The following WDR64 variants were observed in gnomAD, a reference collection of about 807,000 sequenced individuals.
WDR64 encodes the protein WD repeat-containing protein 64.
In WDR64, 112 loss-of-function variants were observed where a neutral mutation model predicts 139.3. The observed-to-expected ratio is 0.80, with a 90% CI of 0.69 to 0.94. The LOEUF (loss-of-function observed/expected upper bound fraction) is 0.94. WDR64 is among the 40% of genes least tolerant of loss of function. The probability of loss-of-function intolerance (pLI) is 0.00; values close to 1 mark genes in which losing one functional copy is unlikely to be tolerated. For synonymous variants in WDR64, 444 were observed against 437.7 expected (o/e 1.01, Z -0.18); for missense variants, 1,206 against 1,293.1 (o/e 0.93, Z 1.03).
intron 9 of WDR64, among the ~76,000 whole-genome samples, chr1:241,715,811 A>C (rs1020500793): frequency 6.6e-6 from 1 of 152,124 alleles, no homozygotes; most frequent in African/African-American, 2.4e-5. Flanking sequence ...TATTTTAATC[A>C]TTTCTGGGGG....
intron 6 of WDR64, among the ~76,000 whole-genome samples, chr1:241,683,034 T>C (rs2148108766): frequency 6.6e-6 from 1 of 152,278 alleles, no homozygotes; most frequent in African/African-American, 2.4e-5. Context: ...GCTTGACAAA[T>C]GCTAAATATT....
At chr1:241,781,849 C>T (rs1302728088) in intron 22 of WDR64, among the ~76,000 whole-genome samples, 2 of 152,198 alleles carry the variant, frequency 1.3e-5, no homozygotes, top group Non-Finnish European at 2.9e-5. Flanking sequence ...TTGTTTCAGA[C>T]ACATGTGCAA....
chr1:241,745,061 C>T (rs945413027), intron 13 of WDR64, among the ~76,000 whole-genome samples: 11 of 152,196 alleles, frequency 7.2e-5, no homozygotes, highest in African/African-American at 1.7e-4. Context: ...GTGTGCCTTA[C>T]GCTATGGAGC....
intron 10 of WDR64, among the ~76,000 whole-genome samples, chr1:241,731,344 TAA>T (rs11462817): frequency 9.6e-5 from 14 of 145,686 alleles, no homozygotes; most frequent in African/African-American, 2.8e-4. Context: ...CCTCGTCTCT[TAA>T]AAAAAAAAAA....
intron 13 of WDR64, among the ~76,000 whole-genome samples, chr1:241,745,384 G>A (rs886080007): frequency 6.6e-6 from 1 of 151,860 alleles, no homozygotes; most frequent in Non-Finnish European, 1.5e-5. Context: ...TGAGAAAGCA[G>A]TCTTAACTGT....
intron 20 of WDR64, among the ~76,000 whole-genome samples, chr1:241,773,620 A>C (rs969672726): frequency 1.3e-5 from 2 of 152,132 alleles, no homozygotes; most frequent in African/African-American, 4.8e-5. Flanking sequence ...GGCGTGTGCC[A>C]GCACACCCAG....
intron 1 of WDR64, among the ~76,000 whole-genome samples, chr1:241,655,395 C>G (rs1665547658): frequency 6.6e-6 from 1 of 151,958 alleles, no homozygotes; most frequent in Non-Finnish European, 1.5e-5. Flanking sequence ...TCCCCCCTCA[C>G]CCCCCAAAAA....
chr1:241,751,755 A>G (rs1669988978), intron 14 of WDR64, among the ~76,000 whole-genome samples: 2 of 152,222 alleles, frequency 1.3e-5, no homozygotes, highest in Admixed American at 6.5e-5. Context: ...TATTCTGGGC[A>G]TGATTTCCTA....
intron 10 of WDR64, among the ~76,000 whole-genome samples, chr1:241,725,917 G>A (rs1422543196): frequency 6.6e-6 from 1 of 151,978 alleles, no homozygotes; most frequent in East Asian, 1.9e-4. Context: ...TTGCAGCCTC[G>A]GGGCTCTCTG....
At chr1:241,777,470 TG>T (rs1658695871) in intron 21 of WDR64, among the ~76,000 whole-genome samples, 1 of 151,332 alleles carries the variant, frequency 6.6e-6, no homozygotes, top group Non-Finnish European at 1.5e-5. Context: ...CAGGTTGGAG[TG>T]CAGTGGCACA....
At chr1:241,797,854 T>TGTC (rs1558529304) in intron 27 of WDR64, among the ~76,000 whole-genome samples, 1 of 152,206 alleles carries the variant, frequency 6.6e-6, no homozygotes, top group Non-Finnish European at 1.5e-5. Flanking sequence ...TGCACGACTC[T>TGTC]GTGCATTAGG....
At chr1:241,711,599 T>A (rs1014554268) in intron 8 of WDR64, among the ~76,000 whole-genome samples, 2 of 152,144 alleles carry the variant, frequency 1.3e-5, no homozygotes, top group Non-Finnish European at 2.9e-5. Flanking sequence ...CAATACAAAG[T>A]ACTACGCGAA....
At chr1:241,742,494 G>C (rs1353584060) in intron 12 of WDR64, among the ~76,000 whole-genome samples, 1 of 152,148 alleles carries the variant, frequency 6.6e-6, no homozygotes, top group African/African-American at 2.4e-5. Context: ...GTGACCTCTG[G>C]TCATCCTCAC....
At chr1:241,748,012 C>T (rs989942953) in intron 13 of WDR64, among the ~76,000 whole-genome samples, 2 of 152,158 alleles carry the variant, frequency 1.3e-5, no homozygotes, top group Non-Finnish European at 2.9e-5. Flanking sequence ...TCACAGAGCT[C>T]GTCACATGTC....
At chr1:241,715,837 A>G (rs1198355234) in intron 9 of WDR64, among the ~76,000 whole-genome samples, 1 of 152,170 alleles carries the variant, frequency 6.6e-6, no homozygotes, top group Non-Finnish European at 1.5e-5. Context: ...TGTGTTTGGT[A>G]AAGTTTTAGG....
At chr1:241,736,738 T>A (rs149846114) in intron 10 of WDR64, among the ~76,000 whole-genome samples, 1 of 152,240 alleles carries the variant, frequency 6.6e-6, no homozygotes, top group African/African-American at 2.4e-5. Context: ...GCAAACATAA[T>A]AACTCTATAG....
At chr1:241,713,051 A>G (rs1198175202) in intron 9 of WDR64, among the ~76,000 whole-genome samples, 1 of 151,562 alleles carries the variant, frequency 6.6e-6, no homozygotes, top group African/African-American at 2.4e-5. Flanking sequence ...TCGCACCAAT[A>G]ATCCCGGCAC....
At chr1:241,675,919 ACC>A (rs1666537871) in intron 4 of WDR64, among the ~76,000 whole-genome samples, 1 of 152,190 alleles carries the variant, frequency 6.6e-6, no homozygotes, top group Non-Finnish European at 1.5e-5. Context: ...GTTACAATAT[ACC>A]CTACATAATA....
At chr1:241,720,764 A>T (rs1311907732) in intron 9 of WDR64, among the ~76,000 whole-genome samples, 1 of 152,104 alleles carries the variant, frequency 6.6e-6, no homozygotes, top group Non-Finnish European at 1.5e-5. Context: ...GTCCACTCTG[A>T]TGATAGTTTC....
Sources: allele counts gnomAD v4.1 joint callset (sites outside exome capture counted in the v4.1 genomes callset), GRCh38; gene constraint gnomAD v4.1.1; transcripts MANE v1.5; gene names NCBI Gene and HGNC (gene_info 2026-07-23, HGNC 2026-07-21).